CBFA2T3: variants seen among roughly 807,000 people sequenced by gnomAD.
CBFA2T3 encodes CBFA2/RUNX1 partner transcriptional co-repressor 3, also known as transcriptional corepressor CBFA2T3.
A neutral mutation model predicts 58.6 loss-of-function variants in CBFA2T3; 31 were observed. The ratio of observed to expected loss-of-function variants is 0.53; its 90% CI spans 0.40 to 0.71. The LOEUF is 0.71. CBFA2T3 is among the 30% of genes least tolerant of loss of function. CBFA2T3 has a pLI of 0.00. For missense variants in CBFA2T3, 1,076 were observed against 963.1 expected, an observed-to-expected ratio of 1.12 and a Z score of -1.55; for synonymous variants, 531 against 421.9, an observed-to-expected ratio of 1.26 and a Z score of -3.17.
chr16:88,894,677 G>A (rs1969816171), intron 3 of CBFA2T3, among the ~76,000 whole-genome samples: 1 of 152,262 alleles, frequency 6.6e-6, no homozygotes, highest in Admixed American at 6.5e-5. Flanking sequence ...GTGGCCCCAA[G>A]TGCCCCTCTC....
At chr16:88,952,412 G>A (rs1162076226) in intron 1 of CBFA2T3, among the ~76,000 whole-genome samples, 1 of 151,888 alleles carries the variant, frequency 6.6e-6, no homozygotes, top group Non-Finnish European at 1.5e-5. Flanking sequence ...TTCTCCCGCG[G>A]GGCACCAAAA....
intron 5 of CBFA2T3, 27 bp downstream of exon 5, chr16:88,891,855 C>T (rs377537767): frequency 1.9e-6 from 3 of 1,550,608 alleles, no homozygotes; most frequent in Middle Eastern, 1.9e-4. Flanking sequence ...GAGGCTCCCG[C>T]AGCACGGGGG....
chr16:88,901,573 T>TG lies in CBFA2T3; in HGVS notation c.234dup (p.Ser79GlnfsTer188). 3 of 1,494,478 alleles carry TG rather than the reference T, an allele frequency of 2.0e-6. No homozygotes were observed. Among genetic ancestry groups the TG allele is most frequent in the Non-Finnish European group, 1.8e-6 (2 of 1,130,034 alleles). 92.6% of individuals were successfully genotyped at this position (1,494,478 alleles called of 1,614,324 possible). A position where few individuals can be genotyped will look rare whatever the true frequency, so the allele number is the denominator to read the frequency against. On this transcript the variant is annotated frameshift_variant, in exon 2 of 12. Transcript: ENST00000268679. LOFTEE classifies it high-confidence loss of function. ...GCGGCAGGCGGTGGGGGCGGCATGCTGGGGGGTGTGGACCGGGGCTGCGTC... is the reference window on the plus strand; with the variant it reads ...GCGGCAGGCGGTGGGGGCGGCATGCTGGGGGGGTGTGGACCGGGGCTGCGTC...
Position 88,892,235 on chromosome 16 carries a change from C to T in CBFA2T3, c.621+9G>A, listed in dbSNP as rs904842332. 2.3e-5 allele frequency: 37 copies of T among 1,605,060 alleles called. No individual in the cohort carries two copies. Among genetic ancestry groups the T allele is most frequent in the Non-Finnish European group, 3.1e-5 (36 of 1,177,308 alleles). On this transcript the variant is annotated intron_variant, in intron 4 of 11. Transcript: ENST00000268679. ...GTCCCAAGGCCCCGGCTGTCCCTGCCCAACTCACCACCAGGCCCAGCACCA... is the reference window on the plus strand; with the variant it reads ...GTCCCAAGGCCCCGGCTGTCCCTGCTCAACTCACCACCAGGCCCAGCACCA...
chr16:88,881,092 T>G (rs1177020092), intron 9 of CBFA2T3, 199 bp downstream of exon 9: 1 of 719,422 alleles, frequency 1.4e-6, no homozygotes. Flanking sequence ...GCTCCGAGCC[T>G]CTGGCCCACC....
intron 1 of CBFA2T3, among the ~76,000 whole-genome samples, chr16:88,903,715 C>A (rs1452994866): frequency 7.9e-6 from 1 of 126,592 alleles, no homozygotes; most frequent in African/African-American, 3.1e-5. Flanking sequence ...CTGGTGGGGG[C>A]AGCCCTTCCA....
intron 5 of CBFA2T3, among the ~76,000 whole-genome samples, chr16:88,891,567 G>A (rs566206095): frequency 6.6e-6 from 1 of 152,152 alleles, no homozygotes; most frequent in Admixed American, 6.5e-5. Context: ...GAGCACATTC[G>A]GCCAACGGCA....
At chr16:88,966,454 T>C (rs1184805301) in intron 1 of CBFA2T3, among the ~76,000 whole-genome samples, 1 of 148,276 alleles carries the variant, frequency 6.7e-6, no homozygotes, top group Non-Finnish European at 1.5e-5. Flanking sequence ...CTACCTCCCC[T>C]GCCACACCCT....
chr16:88,889,555 C>T (rs769513375), intron 5 of CBFA2T3, among the ~76,000 whole-genome samples: 2 of 151,918 alleles, frequency 1.3e-5, no homozygotes, highest in East Asian at 1.9e-4. Flanking sequence ...TGAGCCCTGG[C>T]GCCCTCTCTC....
At chr16:88,945,807 G>A (rs569289729) in intron 1 of CBFA2T3, among the ~76,000 whole-genome samples, 2 of 152,258 alleles carry the variant, frequency 1.3e-5, no homozygotes, top group South Asian at 4.1e-4. Context: ...CAGCATTCAC[G>A]TTTCTTGGTA....
At position 88,975,623 on chromosome 16, in the gene CBFA2T3, G is replaced by A. The variant is rs190809953; in HGVS notation, c.151+1034C>T. Among the ~76,000 whole-genome samples the A allele has an allele frequency of 6.7e-3, 1,014 of 152,368 alleles. 7 individuals are homozygous for A. The highest frequency in any genetic ancestry group is 0.024 in the Middle Eastern group (7 of 294). On this transcript the variant is annotated intron_variant, in intron 1 of 11. Transcript: ENST00000268679. ...GAAGGTGGCTCTGAGTCACCCATTC[G>A]GGAGAAACGAACAGTAGCACTGGCT...
rs1170413140 is a variant in CBFA2T3 at position 88,879,506 on chromosome 16, G to A, written c.1472-46C>T. 3 of 1,572,640 alleles carry A rather than the reference G, an allele frequency of 1.9e-6. No individual in the cohort carries two copies. In the Admixed American group the frequency reaches 5.1e-5, roughly 27 times the overall value. On this transcript the variant is annotated intron_variant, in intron 10 of 11. Transcript: ENST00000268679. The stretch of plus-strand genomic sequence containing the variant: ...GCTGGCGGTCACATGGGCCATCCCA[G>A]ATGGGTCTCTGGACTTCCTACGCGT...
At chr16:88,920,011 C>T (rs1970860256) in intron 1 of CBFA2T3, among the ~76,000 whole-genome samples, 1 of 152,264 alleles carries the variant, frequency 6.6e-6, no homozygotes, top group Admixed American at 6.5e-5. Flanking sequence ...TGTAAACCAG[C>T]AGCTTCCCGA....
intron 1 of CBFA2T3, among the ~76,000 whole-genome samples, chr16:88,976,001 C>A (rs1019957079): frequency 1.3e-5 from 2 of 152,238 alleles, no homozygotes; most frequent in African/African-American, 4.8e-5. Flanking sequence ...GCAGCTGCAG[C>A]CCCCAGCGTC....
At chr16:88,927,018 C>T (rs1006960784) in intron 1 of CBFA2T3, among the ~76,000 whole-genome samples, 5 of 152,218 alleles carry the variant, frequency 3.3e-5, no homozygotes, top group African/African-American at 7.2e-5. Flanking sequence ...TCCCTCCTCC[C>T]GCAGCTAAGT....
intron 2 of CBFA2T3, among the ~76,000 whole-genome samples, chr16:88,898,523 A>G (rs866278881): frequency 2.6e-5 from 4 of 152,298 alleles, no homozygotes; most frequent in Middle Eastern, 3.4e-3. Flanking sequence ...ACTGTTCCGG[A>G]GTTTACAAGA....
At chr16:88,914,508 C>G (rs1294071686) in intron 1 of CBFA2T3, among the ~76,000 whole-genome samples, 1 of 152,238 alleles carries the variant, frequency 6.6e-6, no homozygotes, top group Non-Finnish European at 1.5e-5. Flanking sequence ...AAAACACGCA[C>G]AGAAAGACGA....
rs534301767 is a variant in CBFA2T3 at position 88,968,119 on chromosome 16, G to A, written c.151+8538C>T. On this transcript the variant is annotated intron_variant, in intron 1 of 11. Coordinates refer to ENST00000268679, the MANE Select transcript of CBFA2T3 (RefSeq NM_005187.6). ...GCTTTGATGAGGAACCCCCCATACC[G>A]CCCATGCTGGGGCCCACCTGGAGGA... Among the ~76,000 whole-genome samples the A allele has an allele frequency of 2.5e-4, 38 of 152,318 alleles. 1 individual carries two copies. The highest frequency in any genetic ancestry group is 1.8e-3 in the Admixed American group (28 of 15,308).
At chr16:88,899,011 C>T (rs1057513759) in intron 2 of CBFA2T3, among the ~76,000 whole-genome samples, 1 of 152,132 alleles carries the variant, frequency 6.6e-6, no homozygotes, top group Non-Finnish European at 1.5e-5. Flanking sequence ...TAAGCGTCCT[C>T]CCAGCTTTAG....
Sources: allele counts gnomAD v4.1 joint callset (sites outside exome capture counted in the v4.1 genomes callset), GRCh38; gene constraint gnomAD v4.1.1; transcripts MANE v1.5; gene names NCBI Gene and HGNC (gene_info 2026-07-23, HGNC 2026-07-21).